The following CCNL1 variants were observed in gnomAD, a reference collection of about 807,000 sequenced individuals.
CCNL1 encodes cyclin-L1.
Under a neutral mutation model 60.6 loss-of-function variants are expected in CCNL1, and 13 were observed. That is an observed-to-expected ratio of 0.21 (90% CI 0.14 to 0.34). The LOEUF (loss-of-function observed/expected upper bound fraction) is 0.34, where lower values mean the gene tolerates loss of function less well. CCNL1 is among the 10% of genes least tolerant of loss of function. The pLI, the probability that CCNL1 is intolerant of heterozygous loss-of-function variation, is 1.00. For synonymous variants in CCNL1, 270 were observed against 244.3 expected, an observed-to-expected ratio of 1.10 and a Z score of -0.98; for missense variants, 481 against 664.3, an observed-to-expected ratio of 0.72 and a Z score of 3.03.
chr3:157,152,449 T>C, intron 4 of CCNL1: 1 of 1,270,024 alleles, frequency 7.9e-7, no homozygotes, highest in Non-Finnish European at 1.0e-6. Flanking sequence ...ATTTCAAAAT[T>C]GTACAGGAAA....
chr3:157,157,149 G>A, intron 3 of CCNL1: 2 of 1,255,260 alleles, frequency 1.6e-6, no homozygotes, highest in Non-Finnish European at 2.1e-6. Flanking sequence ...ACGTGCTTGA[G>A]TAAACTTGTA....
At chr3:157,145,689 A>AG (rs1180704994), downstream of CCNL1, among the ~76,000 whole-genome samples, 1 of 152,184 alleles carries the variant, frequency 6.6e-6, no homozygotes. Flanking sequence ...CAGTTCTAAA[A>AG]TAACAGTCTG....
downstream of CCNL1, among the ~76,000 whole-genome samples, chr3:157,144,668 A>G (rs1486186027): frequency 6.6e-6 from 1 of 152,252 alleles, no homozygotes; most frequent in Admixed American, 6.5e-5. Flanking sequence ...CTATTTCCAC[A>G]TAGGGAAGTG....
intron 5 of CCNL1, chr3:157,151,208 A>G (rs1738164743): frequency 1.0e-6 from 1 of 985,292 alleles, no homozygotes; most frequent in African/African-American, 1.7e-5. Flanking sequence ...AACATTACAA[A>G]TATTTACTGA....
rs372986934 is a variant in CCNL1, at chr3:157,148,608, G to T, written c.1233-19C>A. 66 of 1,563,262 alleles carry T rather than the reference G, an allele frequency of 4.2e-5. No homozygotes were observed. In the East Asian group the frequency reaches 5.4e-4, roughly 13 times the overall value. On this transcript the variant is annotated intron_variant, in intron 10 of 10. Coordinates refer to ENST00000295926, the MANE Select transcript of CCNL1 (RefSeq NM_020307.4). ...ATTATAGCTTAGATAATAAAAATTT[G>T]AAGTTTAGGTTCAGTTTCTATGGGG... is the stretch of plus-strand genomic sequence containing the variant.
chr3:157,159,573 C>G, intron 1 of CCNL1, 94 bp from the exon 2 acceptor site: 5 of 1,217,806 alleles, frequency 4.1e-6, no homozygotes, highest in Non-Finnish European at 5.9e-6. Context: ...TTCCCTTTCC[C>G]CTCCCGCCGC....
In CCNL1 at chr3:157,149,912, T is replaced by C. The variant is rs1274525212; in HGVS notation, c.945A>G (p.Leu315=). ...KRKVALQEAK[L]KAKGLNPDGT... is the part of the protein sequence containing the mutation. ...CATCCGGATTCAATCCCTTTGCTTT[T>C]AATTTGGCTTCTTGTAAGGCTACTT... The change falls in exon 8 of 11, where the codon TTA becomes TTG. Residue 315 remains leucine, a synonymous_variant. Transcript: ENST00000295926. 2 of 1,614,146 alleles carry C rather than the reference T, an allele frequency of 1.2e-6. No homozygotes were observed. Among genetic ancestry groups the C allele is most frequent in the Non-Finnish European group, 1.7e-6 (2 of 1,179,990 alleles).
intron 4 of CCNL1, chr3:157,152,819 C>A: frequency 7.7e-7 from 1 of 1,298,050 alleles, no homozygotes; most frequent in South Asian, 1.9e-5. Flanking sequence ...TATGAGCACA[C>A]AATTAAGATT....
chr3:157,152,080 C>CA lies in CCNL1; in HGVS notation c.674+96dup. ...CAAAAAAACAACGAAAAGCCCCAAA[C>CA]AAACTTATCTCATTATTTTGGAAAG... On this transcript the variant is annotated intron_variant, in intron 5 of 10. Coordinates refer to ENST00000295926, the MANE Select transcript of CCNL1 (RefSeq NM_020307.4). 1.9e-6 allele frequency: 3 copies of CA among 1,540,468 alleles called. No homozygotes were observed. The African/African-American group carries it at 4.2e-5, about 22-fold the overall frequency.
At chr3:157,159,624 G>T (rs1368747218) in intron 1 of CCNL1, 145 bp from the exon 2 acceptor site, 3 of 987,922 alleles carry the variant, frequency 3.0e-6, no homozygotes, top group South Asian at 1.7e-5. Flanking sequence ...TCCTCCCTCC[G>T]CCTCCGCAGC....
intron 8 of CCNL1, 113 bp downstream of exon 8, chr3:157,149,723 A>C: frequency 4.2e-6 from 6 of 1,442,682 alleles, no homozygotes; most frequent in African/African-American, 1.4e-5. Context: ...GAGAGAACAT[A>C]GCAGCAGTTT....
intron 2 of CCNL1, 66 bp downstream of exon 2, chr3:157,159,339 A>T: frequency 6.9e-7 from 1 of 1,456,748 alleles, no homozygotes; most frequent in Non-Finnish European, 9.6e-7. Context: ...CTGGCTGCTG[A>T]CACTACCCCT....
chr3:157,143,380 T>C (rs1737700236), downstream of CCNL1, among the ~76,000 whole-genome samples: 1 of 152,190 alleles, frequency 6.6e-6, no homozygotes, highest in Non-Finnish European at 1.5e-5. Flanking sequence ...TGATTGGACA[T>C]GCCCATATGA....
intron 8 of CCNL1, 108 bp downstream of exon 8, chr3:157,149,728 C>T: frequency 6.8e-7 from 1 of 1,464,444 alleles, no homozygotes; most frequent in African/African-American, 1.4e-5. Flanking sequence ...AACATAGCAG[C>T]AGTTTCCTAA....
intron 10 of CCNL1, 81 bp from the exon 11 acceptor site, chr3:157,148,670 A>C: frequency 8.2e-7 from 1 of 1,224,774 alleles, no homozygotes; most frequent in Non-Finnish European, 1.1e-6. Flanking sequence ...AACAGGTTCA[A>C]AACAAAACTA....
Position 157,152,160 on chromosome 3 carries a change from C to T in CCNL1, c.674+17G>A. 1 of 1,606,804 alleles carries T rather than the reference C, an allele frequency of 6.2e-7. No homozygotes were observed. The highest frequency in any genetic ancestry group is 8.5e-7 in the Non-Finnish European group (1 of 1,177,932). The stretch of plus-strand genomic sequence containing the variant: ...CTGTTTTCCTGGCTAGGAAAGAAAT[C>T]TAAAAAAGTGACTTACCAGGCAGTT... On this transcript the variant is annotated intron_variant, in intron 5 of 10. Transcript: ENST00000295926.
chr3:157,151,197 T>TA, intron 5 of CCNL1: 1 of 985,276 alleles, frequency 1.0e-6, no homozygotes, highest in Non-Finnish European at 1.2e-6. Flanking sequence ...GAGACTTTTC[T>TA]AACATTACAA....
At position 157,147,900 on chromosome 3, in the gene CCNL1, C is replaced by T; in HGVS notation, c.*341G>A. ...TCACCATCATTTAAACAAATAACCA[C>T]TTAAATAGAACAGTGTCTGCAATTT... On this transcript the variant is annotated 3_prime_UTR_variant, in exon 11 of 11. Coordinates refer to ENST00000295926, the MANE Select transcript of CCNL1 (RefSeq NM_020307.4). 2.0e-6 allele frequency: 2 copies of T among 1,018,634 alleles called. No individual in the cohort carries two copies. The highest frequency in any genetic ancestry group is 2.3e-6 in the Non-Finnish European group (2 of 852,050). 63.1% of individuals were successfully genotyped at this position (1,018,634 alleles called of 1,614,324 possible). A position where few individuals can be genotyped will look rare whatever the true frequency, so the allele number is the denominator to read the frequency against.
intron 5 of CCNL1, chr3:157,150,607 A>T: frequency 5.7e-6 from 7 of 1,219,192 alleles, no homozygotes; most frequent in Non-Finnish European, 7.2e-6. Flanking sequence ...AAGCCCTTTT[A>T]AATTATTTCA....
Sources: allele counts gnomAD v4.1 joint callset (sites outside exome capture counted in the v4.1 genomes callset), GRCh38; gene constraint gnomAD v4.1.1; transcripts MANE v1.5; gene names NCBI Gene and HGNC (gene_info 2026-07-23, HGNC 2026-07-21).